The following ATP2B3 variants were observed in gnomAD, a reference collection of about 807,000 sequenced individuals.
ATP2B3 encodes ATPase plasma membrane Ca2+ transporting 3, also known as plasma membrane calcium-transporting ATPase 3.
A neutral mutation model predicts 70.8 loss-of-function variants in ATP2B3; 12 were observed. That is an observed-to-expected ratio of 0.17 (90% CI 0.11 to 0.27). ATP2B3 has a LOEUF of 0.27. Among genes scored for constraint, ATP2B3 ranks in the 10% least tolerant of loss-of-function variants. The pLI, the probability that ATP2B3 is intolerant of heterozygous loss-of-function variation, is 1.00. For synonymous variants in ATP2B3, 460 were observed against 497.8 expected (o/e 0.92, Z 1.01); for missense variants, 858 against 1,118.5 (o/e 0.77, Z 3.32).
At position 153,541,737 on chromosome X, in the gene ATP2B3, G is replaced by A; in HGVS notation, c.475G>A (p.Ala159Thr). ...EAEAGWIEGA[A>T]ILLSVICVVL... ...CGAAGCTGGCTGGATCGAGGGGGCTGCCATCCTGCTGTCCGTCATCTGTGT... is the reference window on the plus strand; with the variant it reads ...CGAAGCTGGCTGGATCGAGGGGGCTACCATCCTGCTGTCCGTCATCTGTGT... The change falls in exon 5 of 22, where the codon GCC (alanine) becomes ACC (threonine). Residue 159 changes from alanine to threonine, a missense_variant. Transcript: ENST00000263519. The A allele has an allele frequency of 4.1e-6, 5 of 1,211,792 alleles. No homozygotes were observed. The highest frequency in any genetic ancestry group is 5.6e-6 in the Non-Finnish European group (5 of 895,570).
At chrX:153,566,273 G>C (rs1557018122) in intron 21 of ATP2B3, among the ~76,000 whole-genome samples, 1 of 112,461 alleles carries the variant, frequency 8.9e-6, no homozygotes, top group Non-Finnish European at 1.9e-5. Flanking sequence ...GACATGGAGC[G>C]ACTGACCCTC....
chrX:153,542,538 G>GCCTCCA (rs2090302694), intron 6 of ATP2B3, 90 bp downstream of exon 6: 10 of 1,097,644 alleles, frequency 9.1e-6, no homozygotes, highest in Non-Finnish European at 1.2e-5. Flanking sequence ...GCTGGGCTCA[G>GCCTCCA]CCTCCACCTC....
At chrX:153,567,755 G>T (rs1393569098) in intron 21 of ATP2B3, among the ~76,000 whole-genome samples, 1 of 111,103 alleles carries the variant, frequency 9.0e-6, no homozygotes, top group Non-Finnish European at 1.9e-5. Flanking sequence ...GAGGAAACAG[G>T]GTGCACTCTT....
intron 2 of ATP2B3, among the ~76,000 whole-genome samples, chrX:153,524,890 T>C (rs782167316): frequency 2.7e-5 from 3 of 112,053 alleles, no homozygotes; most frequent in Non-Finnish European, 3.8e-5. Context: ...AAGCACTGGG[T>C]GATACATTCT....
At chrX:153,579,871 G>C (rs1295054122) in intron 21 of ATP2B3, 107 bp from the exon 22 acceptor site, 2 of 741,080 alleles carry the variant, frequency 2.7e-6, no homozygotes, top group Non-Finnish European at 4.0e-6. Context: ...GCCACTGACT[G>C]TCTCCTTCCT....
intron 12 of ATP2B3, 151 bp downstream of exon 12, chrX:153,550,437 G>A (rs782675902): frequency 1.8e-5 from 16 of 913,015 alleles, no homozygotes; most frequent in South Asian, 2.5e-5. Context: ...TCATGCAACC[G>A]TCACCACTAC....
At chrX:153,569,406 C>A (rs1346315291) in intron 21 of ATP2B3, 1 of 525,353 alleles carries the variant, frequency 1.9e-6, no homozygotes, top group Non-Finnish European at 3.4e-6. Flanking sequence ...AACCCTCTCT[C>A]GGTGGGTGGC....
rs1036683466 is a variant in ATP2B3 at position 153,550,434 on chromosome X, A to G, written c.1823+148A>G. On this transcript the variant is annotated intron_variant, in intron 12 of 21. Coordinates refer to ENST00000263519, the MANE Select transcript of ATP2B3 (RefSeq NM_001001344.3). ...TTAAGCACGTTCACAATATCATGCA[A>G]CCGTCACCACTACCCAGTTCCAAAA... is the stretch of plus-strand genomic sequence containing the variant. 6.6e-6 allele frequency: 6 copies of G among 909,537 alleles called. No individual in the cohort carries two copies. The Admixed American group carries it at 9.7e-5, about 15-fold the overall frequency. The allele number at this position is 909,537 out of a possible 1,213,427, so 75.0% of individuals were successfully genotyped here. A position where few individuals can be genotyped will look rare whatever the true frequency, so the allele number is the denominator to read the frequency against.
intron 2 of ATP2B3, among the ~76,000 whole-genome samples, chrX:153,531,141 G>C (rs782042552): frequency 1.8e-5 from 2 of 112,661 alleles, no homozygotes; most frequent in African/African-American, 3.2e-5. Flanking sequence ...TGGGGAATCA[G>C]GGATAAAAGG....
chrX:153,554,109 C>A (rs2090500496), intron 13 of ATP2B3, among the ~76,000 whole-genome samples: 1 of 113,920 alleles, frequency 8.8e-6, no homozygotes, highest in African/African-American at 3.2e-5. Flanking sequence ...TAAACGCCAG[C>A]CATGGCTCAT....
intron 2 of ATP2B3, among the ~76,000 whole-genome samples, chrX:153,534,384 C>T (rs1351097680): frequency 8.9e-6 from 1 of 111,920 alleles, no homozygotes; most frequent in East Asian, 2.8e-4. Context: ...AGAAGGAGCC[C>T]GCCTCACCTG....
At chrX:153,564,485 G>T (rs985686167) in intron 20 of ATP2B3, among the ~76,000 whole-genome samples, 46 of 112,837 alleles carry the variant, frequency 4.1e-4, no homozygotes, top group African/African-American at 1.4e-3. Context: ...TGTTCCAGGG[G>T]CTTAGCGATC....
rs184316122 is a variant in ATP2B3 at position 153,542,099 on chromosome X, G to T, written c.664+173G>T. Among the ~76,000 whole-genome samples, 91 of 76,642 alleles carry T rather than the reference G, an allele frequency of 1.2e-3. No individual in the cohort carries two copies. The East Asian group carries it at 0.039, about 33-fold the overall frequency. The allele number at this position is 76,642 out of a possible 115,157, so 66.6% of individuals were successfully genotyped here. ...GGGGAGGTGGGGGAACACGGGGCAG[G>T]GCAGAGTGGTTTCAGACACAGCAGG... On this transcript the variant is annotated intron_variant, in intron 5 of 21. Coordinates refer to ENST00000263519, the MANE Select transcript of ATP2B3 (RefSeq NM_001001344.3).
chrX:153,560,794 C>T lies in ATP2B3; in HGVS notation c.2958C>T (p.Asn986=), dbSNP rs375637203. 6.6e-6 allele frequency: 8 copies of T among 1,210,417 alleles called. No individual in the cohort carries two copies. In the African/African-American group the frequency reaches 7.0e-5, roughly 11 times the overall value. Residue 986 remains asparagine, a synonymous_variant, in exon 19 of 22, where the codon AAC becomes AAT. Transcript: ENST00000263519. ...FVMMQLFNEI[N]ARKIHGERNV... ...TGATGCAGCTCTTTAACGAGATCAA[C>T]GCCCGCAAGATCCACGGCGAGAGGA... is the stretch of plus-strand genomic sequence containing the variant.
chrX:153,582,254 T>A lies in ATP2B3; in HGVS notation c.*1956T>A, dbSNP rs1230826810. Reference sequence around the variant, plus strand: ...AAAGAATTTCGGTTAGAAAAGAAAATCCCACTTTAAAATGCCAGCTGCAGA... The same window carrying A: ...AAAGAATTTCGGTTAGAAAAGAAAAACCCACTTTAAAATGCCAGCTGCAGA... On this transcript the variant is annotated 3_prime_UTR_variant, in exon 22 of 22. Transcript: ENST00000263519. 4.4e-5 allele frequency: 5 copies of A among 112,510 alleles called. No individual in the cohort carries two copies. Among genetic ancestry groups the A allele is most frequent in the Non-Finnish European group, 7.5e-5 (4 of 53,215 alleles). 9.3% of individuals were successfully genotyped at this position (112,510 alleles called of 1,213,427 possible).
intron 2 of ATP2B3, among the ~76,000 whole-genome samples, chrX:153,520,979 A>G (rs2089950851): frequency 8.9e-6 from 1 of 112,740 alleles, no homozygotes; most frequent in Non-Finnish European, 1.9e-5. Flanking sequence ...CCAGCAACTC[A>G]GGGACCGGTT....
In ATP2B3 at chrX:153,541,848, A is replaced by G; in HGVS notation, c.586A>G (p.Thr196Ala). Residue 196 changes from threonine to alanine, a missense_variant, in exon 5 of 22, where the codon ACG becomes GCG. Thr to Ala is a moderately conservative substitution (Grantham distance 58). Coordinates refer to ENST00000263519, the MANE Select transcript of ATP2B3 (RefSeq NM_001001344.3). ...CCGAATTGAGCAGGAGCAGAAGTTCACGGTCATCCGGAACGGGCAGCTCCT... is the reference window on the plus strand; with the variant it reads ...CCGAATTGAGCAGGAGCAGAAGTTCGCGGTCATCCGGAACGGGCAGCTCCT... ...QSRIEQEQKF[T>A]VIRNGQLLQV... 6.6e-6 allele frequency: 8 copies of G among 1,211,476 alleles called. No homozygotes were observed. The highest frequency in any genetic ancestry group is 8.9e-6 in the Non-Finnish European group (8 of 895,485).
chrX:153,525,788 AT>A (rs2090023231), intron 2 of ATP2B3, among the ~76,000 whole-genome samples: 1 of 112,990 alleles, frequency 8.9e-6, no homozygotes, highest in Non-Finnish European at 1.9e-5. Flanking sequence ...CCTGTGGTTC[AT>A]CTGCCCACAA....
At chrX:153,546,691 G>A (rs1331089698) in intron 8 of ATP2B3, among the ~76,000 whole-genome samples, 6 of 113,302 alleles carry the variant, frequency 5.3e-5, no homozygotes, top group South Asian at 3.6e-4. Context: ...GAGGCCAGCC[G>A]TGGCCCACGG....
Sources: gnomAD v4.1 joint callset for allele counts (sites outside exome capture counted in the v4.1 genomes callset) on GRCh38, gnomAD v4.1.1 for gene constraint, MANE v1.5 for transcripts, NCBI Gene and HGNC (gene_info 2026-07-23, HGNC 2026-07-21) for gene names.